ALK: variants seen among roughly 807,000 people sequenced by gnomAD.
The protein encoded by ALK is ALK tyrosine kinase receptor.
ALK carries 74 observed loss-of-function variants against 163.1 expected under a neutral mutation model. The observed-to-expected ratio is 0.45, with a 90% CI of 0.38 to 0.55. The LOEUF is 0.55. Among genes scored for constraint, ALK ranks in the 20% least tolerant of loss-of-function variants. The probability of loss-of-function intolerance (pLI) is 0.00; values close to 1 mark genes in which losing one functional copy is unlikely to be tolerated. For synonymous variants in ALK, 960 were observed against 843.2 expected, an observed-to-expected ratio of 1.14 and a Z score of -2.40; for missense variants, 2,063 against 2,105.3, an observed-to-expected ratio of 0.98 and a Z score of 0.39.
chr2:29,263,693 T>C (rs945489155), intron 11 of ALK, among the ~76,000 whole-genome samples: 2 of 152,158 alleles, frequency 1.3e-5, no homozygotes, highest in African/African-American at 4.8e-5. Flanking sequence ...TATTTTTGTC[T>C]GCAATGCAGT....
At chr2:29,747,321 A>G (rs541409299) in intron 1 of ALK, among the ~76,000 whole-genome samples, 3 of 152,256 alleles carry the variant, frequency 2.0e-5, no homozygotes, top group Non-Finnish European at 4.4e-5. Flanking sequence ...GATCATTTTC[A>G]TATTCAAATC....
intron 3 of ALK, among the ~76,000 whole-genome samples, chr2:29,666,189 G>C (rs1470057090): frequency 6.6e-6 from 1 of 152,004 alleles, no homozygotes; most frequent in Non-Finnish European, 1.5e-5. Context: ...GGCATGATTT[G>C]TTCTTTTAAA....
At chr2:29,402,081 A>G (rs1236936115) in intron 4 of ALK, among the ~76,000 whole-genome samples, 1 of 152,180 alleles carries the variant, frequency 6.6e-6, no homozygotes, top group Non-Finnish European at 1.5e-5. Context: ...AGATCAGTGG[A>G]GGAAGGGAAG....
At chr2:29,889,184 T>C (rs1667068475) in intron 1 of ALK, among the ~76,000 whole-genome samples, 1 of 152,098 alleles carries the variant, frequency 6.6e-6, no homozygotes, top group South Asian at 2.1e-4. Context: ...CACATTTAAA[T>C]AGAAATAAAT....
chr2:29,763,755 C>A (rs560443704), intron 1 of ALK, among the ~76,000 whole-genome samples: 30 of 152,134 alleles, frequency 2.0e-4, no homozygotes, highest in Non-Finnish European at 3.5e-4. Flanking sequence ...TCTGAGGCCC[C>A]TGAGATTCCT....
intron 3 of ALK, among the ~76,000 whole-genome samples, chr2:29,561,834 G>T (rs866335994): frequency 6.6e-6 from 1 of 152,120 alleles, no homozygotes; most frequent in Non-Finnish European, 1.5e-5. Flanking sequence ...GGGCATGGGG[G>T]GTAGTGGTGG....
At chr2:29,887,327 G>A (rs1248827510) in intron 1 of ALK, among the ~76,000 whole-genome samples, 1 of 152,152 alleles carries the variant, frequency 6.6e-6, no homozygotes, top group African/African-American at 2.4e-5. Flanking sequence ...CTTAGCTGGG[G>A]CTGTTGGCCA....
chr2:29,774,389 C>A (rs903697221), intron 1 of ALK, among the ~76,000 whole-genome samples: 7 of 152,200 alleles, frequency 4.6e-5, no homozygotes, highest in African/African-American at 1.7e-4. Flanking sequence ...TTCCCACATA[C>A]CCACATCGTA....
rs114818770 is a variant in ALK, at chr2:29,708,915, G to A, written c.787+8663C>T. 9.0e-3 allele frequency among the ~76,000 whole-genome samples: 1,375 copies of A among 152,286 alleles called. 22 individuals carry two copies. Among genetic ancestry groups the A allele is most frequent in the African/African-American group, 0.032 (1,322 of 41,554 alleles). ...AATTATTCTAGTCATCTACCCAAAT[G>A]GGCTGGTTCAAGTCCTGTGAATTGG... On this transcript the variant is annotated intron_variant, in intron 2 of 28. Transcript: ENST00000389048.
intron 4 of ALK, among the ~76,000 whole-genome samples, chr2:29,432,267 G>A (rs4393715): frequency 0.091 from 13,843 of 152,068 alleles, 845 homozygotes; most frequent in Non-Finnish European, 0.14. Flanking sequence ...TGCTGTCCTT[G>A]TGATAACAAT....
chr2:29,376,576 A>G (rs1185321299), intron 5 of ALK, among the ~76,000 whole-genome samples: 1 of 152,362 alleles, frequency 6.6e-6, no homozygotes. Flanking sequence ...GAGTGGATGC[A>G]TGGATGGATG....
At chr2:29,698,332 GA>G (rs1278780572) in intron 2 of ALK, among the ~76,000 whole-genome samples, 1 of 152,188 alleles carries the variant, frequency 6.6e-6, no homozygotes, top group Non-Finnish European at 1.5e-5. Flanking sequence ...CATGAAACAT[GA>G]CTAATAAGGA....
At chr2:29,756,817 G>T (rs964657181) in intron 1 of ALK, among the ~76,000 whole-genome samples, 1 of 152,266 alleles carries the variant, frequency 6.6e-6, no homozygotes, top group Non-Finnish European at 1.5e-5. Context: ...ATGAGCCACC[G>T]CACCTGGCCC....
At chr2:29,244,293 T>C (rs1467750171) in intron 12 of ALK, among the ~76,000 whole-genome samples, 1 of 152,200 alleles carries the variant, frequency 6.6e-6, no homozygotes, top group Non-Finnish European at 1.5e-5. Context: ...ATTTGTGAAA[T>C]CAGGATGGTG....
rs571690962 is a variant in ALK, at chr2:29,828,323, G to A, written c.667+91670C>T. On this transcript the variant is annotated intron_variant, in intron 1 of 28. Coordinates refer to ENST00000389048, the MANE Select transcript of ALK (RefSeq NM_004304.5). ...AAAGCCAAAATTGACAAATGGGATC[G>A]AATTAAACTAAAGAGCTTCTGCACA... 8.9e-4 allele frequency among the ~76,000 whole-genome samples: 136 copies of A among 152,112 alleles called. 1 individual carries two copies. The highest frequency in any genetic ancestry group is 3.1e-3 in the African/African-American group (130 of 41,488).
intron 11 of ALK, among the ~76,000 whole-genome samples, chr2:29,264,260 G>T (rs1370172443): frequency 1.3e-5 from 2 of 152,206 alleles, no homozygotes; most frequent in Non-Finnish European, 2.9e-5. Flanking sequence ...AGGCCTTGAA[G>T]ATTTCCCTAG....
intron 6 of ALK, among the ~76,000 whole-genome samples, chr2:29,323,254 A>G (rs1408325332): frequency 6.6e-6 from 1 of 152,196 alleles, no homozygotes; most frequent in Non-Finnish European, 1.5e-5. Context: ...TGGTAGTGTT[A>G]TTAATTGCCA....
At chr2:29,564,017 G>A (rs1359210407) in intron 3 of ALK, among the ~76,000 whole-genome samples, 1 of 152,054 alleles carries the variant, frequency 6.6e-6, no homozygotes, top group Non-Finnish European at 1.5e-5. Context: ...TGAGATTTAT[G>A]CCCTTTAAGG....
chr2:29,757,929 C>T (rs952763113), intron 1 of ALK, among the ~76,000 whole-genome samples: 1 of 151,848 alleles, frequency 6.6e-6, no homozygotes, highest in Non-Finnish European at 1.5e-5. Context: ...CATGATCTCA[C>T]TCAGGCCTTC....
Sources: gnomAD v4.1 joint callset for allele counts (sites outside exome capture counted in the v4.1 genomes callset) on GRCh38, gnomAD v4.1.1 for gene constraint, MANE v1.5 for transcripts, NCBI Gene and HGNC (gene_info 2026-07-23, HGNC 2026-07-21) for gene names.